Variants in FIG4 observed in about 807,000 individuals in gnomAD.
FIG4 encodes polyphosphoinositide phosphatase.
A neutral mutation model predicts 118.6 loss-of-function variants in FIG4; 112 were observed. The ratio of observed to expected loss-of-function variants is 0.94; its 90% CI spans 0.81 to 1.11. The LOEUF (loss-of-function observed/expected upper bound fraction) is 1.11, where lower values mean the gene tolerates loss of function less well. Among genes scored for constraint, FIG4 ranks in the 50% least tolerant of loss-of-function variants. The probability of loss-of-function intolerance (pLI) is 0.00; values close to 1 mark genes in which losing one functional copy is unlikely to be tolerated. For missense variants in FIG4, 969 were observed against 1,111.7 expected (o/e 0.87, Z 1.83); for synonymous variants, 369 against 381.2 (o/e 0.97, Z 0.37).
chr6:109,728,824 T>C (rs1775896545), intron 4 of FIG4, among the ~76,000 whole-genome samples: 1 of 152,048 alleles, frequency 6.6e-6, no homozygotes, highest in Non-Finnish European at 1.5e-5. Flanking sequence ...GATAGGAAAA[T>C]TTCAAGAAGT....
chr6:109,786,457 G>A lies in FIG4; in HGVS notation c.2096+8G>A. 6.2e-7 allele frequency: 1 copy of A among 1,613,612 alleles called. No individual in the cohort carries two copies. The highest frequency in any genetic ancestry group is 1.7e-5 in the Admixed American group (1 of 60,008). The stretch of plus-strand genomic sequence containing the variant: ...TATGACAAGCTCAGCACGGTATGTT[G>A]TGTGTATTCTGATACCATAAGTATT... On this transcript the variant is annotated splice_region_variant and intron_variant, in intron 18 of 22. Coordinates refer to ENST00000230124, the MANE Select transcript of FIG4 (RefSeq NM_014845.6).
intron 16 of FIG4, among the ~76,000 whole-genome samples, chr6:109,784,099 A>G (rs929924333): frequency 6.6e-6 from 1 of 152,120 alleles, no homozygotes; most frequent in African/African-American, 2.4e-5. Flanking sequence ...CATTTATATT[A>G]AAATCTCTTT....
chr6:109,821,711 CA>C (rs1287980793), intron 22 of FIG4, among the ~76,000 whole-genome samples: 1 of 152,134 alleles, frequency 6.6e-6, no homozygotes. Context: ...ATAGTGTTAC[CA>C]AAGCAATCGA....
rs2128386656 is a variant in FIG4 at position 109,741,546 on chromosome 6, T to G, written c.876+2T>G. On this transcript the variant is annotated splice_donor_variant, in intron 8 of 22. Transcript: ENST00000230124. LOFTEE classifies it high-confidence loss of function. ...CTTAAAAGAGGTGCAAACTGTGAGG[T>G]AAGATGACAAACAGTATCTTCACTG... The G allele has an allele frequency of 6.4e-7, 1 of 1,570,152 alleles. No individual in the cohort carries two copies. The highest frequency in any genetic ancestry group is 8.8e-7 in the Non-Finnish European group (1 of 1,140,092).
chr6:109,762,876 G>A (rs577822624), intron 12 of FIG4, among the ~76,000 whole-genome samples: 4 of 152,170 alleles, frequency 2.6e-5, no homozygotes, highest in Non-Finnish European at 4.4e-5. Flanking sequence ...AAAGGACTCC[G>A]CCTATTGTAT....
intron 22 of FIG4, among the ~76,000 whole-genome samples, chr6:109,807,856 A>G (rs2128400054): frequency 6.6e-6 from 1 of 152,286 alleles, no homozygotes; most frequent in South Asian, 2.1e-4. Flanking sequence ...ACCATTTATT[A>G]AATAGGGAAT....
At position 109,715,187 on chromosome 6, in the gene FIG4, T is replaced by A; in HGVS notation, c.165+11T>A. The A allele has an allele frequency of 6.8e-7, 1 of 1,466,078 alleles. No homozygotes were observed. The highest frequency in any genetic ancestry group is 2.3e-5 in the East Asian group (1 of 44,110). The allele number at this position is 1,466,078 out of a possible 1,614,324, so 90.8% of individuals were successfully genotyped here. Reference sequence around the variant, plus strand: ...ATAATTGATGACAGGGTAAGTATCCTCCAAACCTGACTGCAAAAAAACTTT... The same window carrying A: ...ATAATTGATGACAGGGTAAGTATCCACCAAACCTGACTGCAAAAAAACTTT... On this transcript the variant is annotated intron_variant, in intron 2 of 22. Transcript: ENST00000230124.
Position 109,786,459 on chromosome 6 carries a change from G to A in FIG4, c.2096+10G>A, listed in dbSNP as rs1459717981. The A allele has an allele frequency of 3.1e-6, 5 of 1,613,556 alleles. No homozygotes were observed. The highest frequency in any genetic ancestry group is 1.1e-5 in the South Asian group (1 of 91,076). ...TGACAAGCTCAGCACGGTATGTTGT[G>A]TGTATTCTGATACCATAAGTATTTG... On this transcript the variant is annotated intron_variant, in intron 18 of 22. Coordinates refer to ENST00000230124, the MANE Select transcript of FIG4 (RefSeq NM_014845.6).
At chr6:109,817,678 A>T (rs902670305) in intron 22 of FIG4, among the ~76,000 whole-genome samples, 2 of 152,146 alleles carry the variant, frequency 1.3e-5, no homozygotes, top group African/African-American at 4.8e-5. Flanking sequence ...ATATGTGCGT[A>T]TGGCAGACTG....
intron 3 of FIG4, among the ~76,000 whole-genome samples, chr6:109,719,174 C>T (rs866480203): frequency 6.6e-6 from 1 of 152,172 alleles, no homozygotes; most frequent in Non-Finnish European, 1.5e-5. Flanking sequence ...CTGTCTCAGC[C>T]TCCCAAAGTG....
intron 1 of FIG4, among the ~76,000 whole-genome samples, chr6:109,698,991 A>C (rs946759264): frequency 1.2e-4 from 18 of 152,350 alleles, no homozygotes; most frequent in African/African-American, 4.3e-4. Context: ...CTCTAGCTTC[A>C]TAAAATGAGT....
intron 4 of FIG4, among the ~76,000 whole-genome samples, chr6:109,728,703 C>T (rs1255212832): frequency 6.6e-6 from 1 of 152,056 alleles, no homozygotes. Context: ...TCAGAGTAGA[C>T]CTTTGTCTTG....
Position 109,740,307 on chromosome 6 carries a change from G to A in FIG4, c.776-1137G>A, listed in dbSNP as rs150054396. ...CACCATGATAGATGATCATTTTAAA[G>A]CTCGTAAGTTTAAACAATGAATCTA... On this transcript the variant is annotated intron_variant, in intron 7 of 22. Transcript: ENST00000230124. 1.9e-3 allele frequency among the ~76,000 whole-genome samples: 283 copies of A among 152,258 alleles called. 4 individuals are homozygous for A. The highest frequency in any genetic ancestry group is 6.8e-3 in the Middle Eastern group (2 of 294).
chr6:109,746,301 C>G (rs17070921), intron 10 of FIG4, among the ~76,000 whole-genome samples: 1 of 152,108 alleles, frequency 6.6e-6, no homozygotes, highest in Admixed American at 6.6e-5. Context: ...CAGCTCCTGC[C>G]TTGAGCTAAC....
Position 109,786,336 on chromosome 6 carries a change from G to A in FIG4, c.1983G>A (p.Val661=), listed in dbSNP as rs1057524662. The part of the protein sequence containing the change: ...ICAVNLKKLI[V]KKFHKYEEEI... Reference sequence around the variant, plus strand: ...CTGTGAACTTAAAGAAGTTGATAGTGAAGAAATTCCACAAATATGAAGAAG... The same window carrying A: ...CTGTGAACTTAAAGAAGTTGATAGTAAAGAAATTCCACAAATATGAAGAAG... Residue 661 remains valine, a synonymous_variant, in exon 18 of 23, where the codon GTG becomes GTA. Transcript: ENST00000230124. The A allele has an allele frequency of 6.2e-7, 1 of 1,613,446 alleles. No homozygotes were observed. Among genetic ancestry groups the A allele is most frequent in the African/African-American group, 1.3e-5 (1 of 75,028 alleles).
At position 109,691,456 on chromosome 6, in the gene FIG4, C is replaced by T. The variant is rs2128375250; in HGVS notation, c.21C>T (p.Pro7=). The change falls in exon 1 of 23, where the codon CCC becomes CCT. Residue 7 remains proline (P), a synonymous_variant. Coordinates refer to ENST00000230124, the MANE Select transcript of FIG4 (RefSeq NM_014845.6). Reference sequence around the variant, plus strand: ...CCGCCATGCCCACGGCCGCCGCCCCCATCATCAGCTCGGTCCAGAAGCTGG... The same window carrying T: ...CCGCCATGCCCACGGCCGCCGCCCCTATCATCAGCTCGGTCCAGAAGCTGG... The part of the protein sequence containing the change: MPTAAA[P]IISSVQKLVL... 3 of 1,586,686 alleles carry T rather than the reference C, an allele frequency of 1.9e-6. No homozygotes were observed. The highest frequency in any genetic ancestry group is 2.3e-5 in the East Asian group (1 of 43,408).
intron 16 of FIG4, among the ~76,000 whole-genome samples, chr6:109,783,285 GTAAA>G (rs945957024): frequency 4.6e-5 from 7 of 152,142 alleles, no homozygotes; most frequent in African/African-American, 1.7e-4. Context: ...GTTGAAAAAA[GTAAA>G]TAAATAAATA....
At chr6:109,762,875 C>T (rs11751112) in intron 12 of FIG4, among the ~76,000 whole-genome samples, 45,547 of 151,874 alleles carry the variant, frequency 0.3, 7,388 homozygotes, top group Non-Finnish European at 0.37. Flanking sequence ...GAAAGGACTC[C>T]GCCTATTGTA....
At chr6:109,822,653 A>C (rs959573313) in intron 22 of FIG4, among the ~76,000 whole-genome samples, 3 of 151,806 alleles carry the variant, frequency 2.0e-5, no homozygotes, top group Non-Finnish European at 2.9e-5. Flanking sequence ...TCCAAACCCC[A>C]TATGCTCATT....
Sources: allele counts gnomAD v4.1 joint callset (sites outside exome capture counted in the v4.1 genomes callset), GRCh38; gene constraint gnomAD v4.1.1; transcripts MANE v1.5; gene names NCBI Gene and HGNC (gene_info 2026-07-23, HGNC 2026-07-21).